Variants in CACNA2D3 observed in about 807,000 individuals in gnomAD.
CACNA2D3 encodes voltage-dependent calcium channel subunit alpha-2/delta-3.
Under a neutral mutation model 160.6 loss-of-function variants are expected in CACNA2D3, and 60 were observed. That is an observed-to-expected ratio of 0.37 (90% CI 0.30 to 0.46). The LOEUF is 0.46. CACNA2D3 is among the 20% of genes least tolerant of loss of function. The pLI, the probability that CACNA2D3 is intolerant of heterozygous loss-of-function variation, is 1.00. For missense variants in CACNA2D3, 1,205 were observed against 1,365.0 expected, an observed-to-expected ratio of 0.88 and a Z score of 1.85; for synonymous variants, 558 against 492.9, an observed-to-expected ratio of 1.13 and a Z score of -1.75.
At chr3:54,820,917 A>G (rs1256646170) in intron 14 of CACNA2D3, among the ~76,000 whole-genome samples, 1 of 152,180 alleles carries the variant, frequency 6.6e-6, no homozygotes, top group Non-Finnish European at 1.5e-5. Flanking sequence ...GATTCTGTCT[A>G]TAGGAGCTAA....
chr3:54,160,250 G>A (rs1192389058), intron 2 of CACNA2D3, among the ~76,000 whole-genome samples: 1 of 152,216 alleles, frequency 6.6e-6, no homozygotes, highest in Non-Finnish European at 1.5e-5. Flanking sequence ...TGTAATCCCG[G>A]CACTTTGGGA....
At chr3:54,605,949 A>G (rs1698599701) in intron 9 of CACNA2D3, among the ~76,000 whole-genome samples, 1 of 152,100 alleles carries the variant, frequency 6.6e-6, no homozygotes, top group South Asian at 2.1e-4. Flanking sequence ...TATGGTGCAG[A>G]CTCCTTTACT....
chr3:54,424,089 G>T (rs1446822686), intron 4 of CACNA2D3, among the ~76,000 whole-genome samples: 4 of 151,916 alleles, frequency 2.6e-5, no homozygotes, highest in Non-Finnish European at 4.4e-5. Context: ...TGTTTGTTGG[G>T]TAGTGTCTGT....
At chr3:54,605,426 T>C (rs1028463297) in intron 9 of CACNA2D3, among the ~76,000 whole-genome samples, 4 of 152,054 alleles carry the variant, frequency 2.6e-5, no homozygotes, top group Admixed American at 2.0e-4. Context: ...CCATTCCCAG[T>C]CTTTATTATT....
intron 3 of CACNA2D3, among the ~76,000 whole-genome samples, chr3:54,355,707 A>C (rs566296620): frequency 1.3e-4 from 20 of 152,154 alleles, no homozygotes; most frequent in Non-Finnish European, 2.2e-4. Context: ...GTGAGGCCTA[A>C]GCCCAGGGCA....
intron 2 of CACNA2D3, among the ~76,000 whole-genome samples, chr3:54,186,732 A>G (rs745693312): frequency 2.4e-4 from 32 of 132,280 alleles, no homozygotes; most frequent in Non-Finnish European, 4.4e-4. Context: ...ATGTCTTCTG[A>G]AAAAAAAAAT....
At chr3:54,718,485 A>G (rs1050124839) in intron 11 of CACNA2D3, among the ~76,000 whole-genome samples, 1 of 152,082 alleles carries the variant, frequency 6.6e-6, no homozygotes, top group Admixed American at 6.6e-5. Context: ...GGATTATAGT[A>G]GTACTTTTTA....
chr3:54,228,813 T>G (rs1440386941), intron 2 of CACNA2D3, among the ~76,000 whole-genome samples: 1 of 152,032 alleles, frequency 6.6e-6, no homozygotes, highest in Non-Finnish European at 1.5e-5. Flanking sequence ...AAGCATGGAG[T>G]CTGGGTTTTC....
Position 54,678,130 on chromosome 3 carries a change from C to T in CACNA2D3, c.1167+35889C>T, listed in dbSNP as rs527681911. 1.2e-4 allele frequency among the ~76,000 whole-genome samples: 18 copies of T among 152,150 alleles called. 1 individual carries two copies. In the South Asian group the frequency reaches 2.9e-3, roughly 25 times the overall value. On this transcript the variant is annotated intron_variant, in intron 11 of 37. Coordinates refer to ENST00000474759, the MANE Select transcript of CACNA2D3 (RefSeq NM_018398.3). ...GGAAAAAGTTCCAGGAGCTTAGATCCCTGGGAAGGGAGGGAATATCTAGGC... is the reference window on the plus strand; with the variant it reads ...GGAAAAAGTTCCAGGAGCTTAGATCTCTGGGAAGGGAGGGAATATCTAGGC...
Position 54,556,278 on chromosome 3 carries a change from C to T in CACNA2D3, c.545-6522C>T, listed in dbSNP as rs1221846585. On this transcript the variant is annotated intron_variant, in intron 5 of 37. Coordinates refer to ENST00000474759, the MANE Select transcript of CACNA2D3 (RefSeq NM_018398.3). ...TAGGGTGGTGCCTAAACCCAATGAC[C>T]AGTCCTTCTGAGACAAAGGAGAGAG... Among the ~76,000 whole-genome samples the T allele has an allele frequency of 4.6e-5, 7 of 152,100 alleles. No individual in the cohort carries two copies. In the East Asian group the frequency reaches 1.3e-3, roughly 29 times the overall value.
chr3:54,733,622 A>G (rs1325704362), intron 11 of CACNA2D3, among the ~76,000 whole-genome samples: 2 of 152,224 alleles, frequency 1.3e-5, no homozygotes, highest in Admixed American at 1.3e-4. Flanking sequence ...ATCAGGTAAC[A>G]GTTGTAGCTA....
At chr3:54,340,338 A>G (rs917146244) in intron 3 of CACNA2D3, among the ~76,000 whole-genome samples, 2 of 152,310 alleles carry the variant, frequency 1.3e-5, no homozygotes, top group African/African-American at 4.8e-5. Context: ...CCATCTCTCT[A>G]TCCTTCTAGC....
chr3:54,562,928 C>T lies in CACNA2D3; in HGVS notation c.673C>T (p.Pro225Ser). ...GSAKGFFRQY[P>S]GIKWEPDENG... ...TGCAAAGGGCTTTTTTAGGCAGTAT[C>T]CGGGTGAGTATACCTGCATTGACAG... The change falls in exon 6 of 38, where the codon CCG becomes TCG. Residue 225 changes from proline to serine, a missense_variant. By Grantham distance (74) the Pro-to-Ser change is moderately conservative. This residue lies in a region of CACNA2D3 where 131 missense variants were observed against 201.5 expected (regional missense o/e 0.65). Coordinates refer to ENST00000474759, the MANE Select transcript of CACNA2D3 (RefSeq NM_018398.3). 2.5e-6 allele frequency: 4 copies of T among 1,613,194 alleles called. No individual in the cohort carries two copies. The highest frequency in any genetic ancestry group is 3.4e-6 in the Non-Finnish European group (4 of 1,179,424).
At chr3:54,628,441 T>C (rs1227856850) in intron 10 of CACNA2D3, among the ~76,000 whole-genome samples, 1 of 152,118 alleles carries the variant, frequency 6.6e-6, no homozygotes, top group African/African-American at 2.4e-5. Flanking sequence ...AGTAGCGTCA[T>C]AGAGACACTA....
At chr3:54,917,741 T>C (rs1184656284) in intron 27 of CACNA2D3, among the ~76,000 whole-genome samples, 1 of 152,216 alleles carries the variant, frequency 6.6e-6, no homozygotes, top group Non-Finnish European at 1.5e-5. Flanking sequence ...ATCCTCTTTG[T>C]GTTTGTTTAT....
At chr3:54,333,046 G>A (rs1704299707) in intron 3 of CACNA2D3, among the ~76,000 whole-genome samples, 1 of 152,196 alleles carries the variant, frequency 6.6e-6, no homozygotes, top group African/African-American at 2.4e-5. Context: ...TGAAGCTGGA[G>A]AGGAAGTAGA....
chr3:54,648,052 A>G (rs1341557245), intron 11 of CACNA2D3, among the ~76,000 whole-genome samples: 1 of 152,154 alleles, frequency 6.6e-6, no homozygotes, highest in Non-Finnish European at 1.5e-5. Flanking sequence ...AAAAAAGGAA[A>G]AGTCATGGAA....
chr3:54,276,873 G>A (rs991165054), intron 2 of CACNA2D3, among the ~76,000 whole-genome samples: 12 of 152,346 alleles, frequency 7.9e-5, no homozygotes, highest in South Asian at 4.1e-4. Flanking sequence ...CCTTGATTGG[G>A]TTGCCCACTG....
At chr3:54,817,897 C>T (rs1002489981) in intron 14 of CACNA2D3, among the ~76,000 whole-genome samples, 9 of 152,296 alleles carry the variant, frequency 5.9e-5, no homozygotes, top group South Asian at 2.1e-4. Context: ...CACAAAAGGA[C>T]GGAATACTTC....
Sources: allele counts gnomAD v4.1 joint callset (sites outside exome capture counted in the v4.1 genomes callset), GRCh38; gene constraint gnomAD v4.1.1; regional missense constraint gnomAD v4.1.1; transcripts MANE v1.5; gene names NCBI Gene and HGNC (gene_info 2026-07-23, HGNC 2026-07-21).